Variants in MEGF9 observed in about 807,000 individuals in gnomAD.
MEGF9 encodes the protein multiple epidermal growth factor-like domains protein 9.
In MEGF9, 6 loss-of-function variants were observed where a neutral mutation model predicts 46.8. The observed-to-expected ratio is 0.13, with a 90% CI of 0.07 to 0.25. MEGF9 has a LOEUF of 0.25. Ranked by LOEUF, MEGF9 falls within the 10% of genes least tolerant of loss-of-function variation. The pLI is 1.00. For synonymous variants in MEGF9, 302 were observed against 330.7 expected (o/e 0.91, Z 0.94); for missense variants, 683 against 792.4 (o/e 0.86, Z 1.66).
In MEGF9 at chr9:120,601,484, A is replaced by C. The variant is rs2043395759; in HGVS notation, c.*3706T>G. On this transcript the variant is annotated 3_prime_UTR_variant, in exon 6 of 6. Transcript: ENST00000373930. ...TCCTGATGGTACTCAGCTGACCAAA[A>C]TAAACTAGTAGGTCAGTGAGTATTG... The C allele has an allele frequency of 6.6e-6, 1 of 152,202 alleles. No individual in the cohort carries two copies. The highest frequency in any genetic ancestry group is 2.1e-4 in the South Asian group (1 of 4,830). The allele number at this position is 152,202 out of a possible 1,614,324, so 9.4% of individuals were successfully genotyped here.
intron 1 of MEGF9, among the ~76,000 whole-genome samples, chr9:120,688,993 C>T (rs1387087450): frequency 6.6e-6 from 1 of 152,186 alleles, no homozygotes; most frequent in Non-Finnish European, 1.5e-5. Context: ...GCCAGAAATA[C>T]AGACTACAAT....
chr9:120,620,490 CAAAT>C (rs1220317552), intron 3 of MEGF9, among the ~76,000 whole-genome samples: 3 of 151,480 alleles, frequency 2.0e-5, no homozygotes, highest in Admixed American at 6.6e-5. Context: ...CTCAGAATCA[CAAAT>C]AAATATACAA....
chr9:120,673,019 G>A (rs1010913230), intron 1 of MEGF9, among the ~76,000 whole-genome samples: 13 of 151,840 alleles, frequency 8.6e-5, no homozygotes, highest in Non-Finnish European at 1.6e-4. Flanking sequence ...GCAAAACTCC[G>A]TCTCAAAAAA....
intron 1 of MEGF9, among the ~76,000 whole-genome samples, chr9:120,698,675 G>A (rs1004078811): frequency 6.6e-6 from 1 of 152,148 alleles, no homozygotes; most frequent in African/African-American, 2.4e-5. Context: ...AAACTGTTTT[G>A]AGTGTTTACT....
intron 2 of MEGF9, among the ~76,000 whole-genome samples, chr9:120,643,333 T>C (rs1299759807): frequency 6.6e-6 from 1 of 152,228 alleles, no homozygotes; most frequent in Admixed American, 6.5e-5. Context: ...CCTTCTATTT[T>C]AGCCTAAGTC....
Position 120,714,228 on chromosome 9 carries a change from C to A in MEGF9, c.131G>T (p.Gly44Val). Reference protein sequence around the residue: ...SAASAGNVTGGGGAAGQVDAS... With the variant: ...SAASAGNVTGVGGAAGQVDAS... ...GTCCACCTGCCCCGCGGCCCCGCCG[C>A]CACCGGTGACATTCCCCGCCGAGGC... Residue 44 changes from glycine to valine, a missense_variant, in exon 1 of 6, where the codon GGC becomes GTC. Gly to Val is a moderately radical substitution (Grantham distance 109, BLOSUM62 -3). Around this residue, in one of 2 missense-constraint regions of MEGF9, gnomAD observed 370 missense variants for 371.3 expected, o/e 1.00. Transcript: ENST00000373930. The A allele has an allele frequency of 1.6e-6, 2 of 1,236,784 alleles. No homozygotes were observed. The highest frequency in any genetic ancestry group is 2.0e-6 in the Non-Finnish European group (2 of 992,424). 76.6% of individuals were successfully genotyped at this position (1,236,784 alleles called of 1,614,324 possible).
intron 1 of MEGF9, among the ~76,000 whole-genome samples, chr9:120,669,075 C>T (rs183891251): frequency 4.6e-5 from 7 of 152,192 alleles, no homozygotes; most frequent in Admixed American, 4.6e-4. Flanking sequence ...AATTAAAGGT[C>T]AAATTATATA....
chr9:120,607,720 A>G, intron 5 of MEGF9, 21 bp downstream of exon 5: 2 of 1,602,144 alleles, frequency 1.2e-6, no homozygotes, highest in African/African-American at 1.3e-5. Context: ...TAAATTTACA[A>G]TCACTTAGGT....
intron 3 of MEGF9, among the ~76,000 whole-genome samples, chr9:120,619,477 C>T (rs2043488971): frequency 6.6e-6 from 1 of 152,182 alleles, no homozygotes; most frequent in Admixed American, 6.5e-5. Context: ...TTCACGACAA[C>T]CCACTAGGCA....
At chr9:120,711,840 T>TACACACACACACACACACAC (rs146669450) in intron 1 of MEGF9, among the ~76,000 whole-genome samples, 17 of 139,232 alleles carry the variant, frequency 1.2e-4, no homozygotes, top group East Asian at 6.0e-4. Context: ...TATACATACA[T>TACACACACACACACACACAC]ACATACACAC....
chr9:120,670,044 T>C (rs907309491), intron 1 of MEGF9, among the ~76,000 whole-genome samples: 2 of 152,184 alleles, frequency 1.3e-5, no homozygotes, highest in East Asian at 3.9e-4. Context: ...TAGTCTAGAT[T>C]ATAGAAAAAT....
At chr9:120,618,330 T>C (rs554613040) in intron 3 of MEGF9, among the ~76,000 whole-genome samples, 3 of 152,148 alleles carry the variant, frequency 2.0e-5, no homozygotes, top group African/African-American at 7.2e-5. Context: ...GCACAAAAAC[T>C]AGGAAAGCAT....
chr9:120,632,645 G>A (rs559271649), intron 2 of MEGF9, among the ~76,000 whole-genome samples: 18 of 152,154 alleles, frequency 1.2e-4, no homozygotes, highest in Non-Finnish European at 2.6e-4. Flanking sequence ...AATAGGAGTG[G>A]TGAAAGTGGG....
At chr9:120,628,473 T>G (rs1564415465) in intron 2 of MEGF9, among the ~76,000 whole-genome samples, 1 of 138,474 alleles carries the variant, frequency 7.2e-6, no homozygotes, top group African/African-American at 2.7e-5. Context: ...TCGTTGTTTT[T>G]TTTTTTTTTT....
chr9:120,682,198 A>C (rs909856765), intron 1 of MEGF9, among the ~76,000 whole-genome samples: 2 of 152,218 alleles, frequency 1.3e-5, no homozygotes, highest in Non-Finnish European at 2.9e-5. Flanking sequence ...AATGAATTCA[A>C]AATACCCAAA....
intron 1 of MEGF9, among the ~76,000 whole-genome samples, chr9:120,685,721 T>G (rs2043819325): frequency 6.6e-6 from 1 of 152,204 alleles, no homozygotes; most frequent in Admixed American, 6.5e-5. Flanking sequence ...CATTAATGGG[T>G]TTATATCCAA....
At chr9:120,639,778 C>T (rs2043594340) in intron 2 of MEGF9, among the ~76,000 whole-genome samples, 1 of 108,054 alleles carries the variant, frequency 9.3e-6, no homozygotes, top group South Asian at 3.7e-4. Context: ...GAAGAAATCC[C>T]TCTCTACCCC....
At chr9:120,663,878 T>C (rs2043713775) in intron 1 of MEGF9, among the ~76,000 whole-genome samples, 1 of 152,202 alleles carries the variant, frequency 6.6e-6, no homozygotes, top group South Asian at 2.1e-4. Context: ...ATTATTTCCT[T>C]TTATCGCCTG....
chr9:120,681,404 T>G (rs1007836969), intron 1 of MEGF9, among the ~76,000 whole-genome samples: 1 of 152,174 alleles, frequency 6.6e-6, no homozygotes, highest in African/African-American at 2.4e-5. Context: ...GTATCCAAGA[T>G]GCAAGACAAA....
Sources: gnomAD v4.1 joint callset for allele counts (sites outside exome capture counted in the v4.1 genomes callset) on GRCh38, gnomAD v4.1.1 for gene constraint, gnomAD v4.1.1 regional missense constraint, MANE v1.5 for transcripts, NCBI Gene and HGNC (gene_info 2026-07-23, HGNC 2026-07-21) for gene names.